The following BCO2 variants were observed in gnomAD, a reference collection of about 807,000 sequenced individuals.
The protein encoded by BCO2 is carotenoid-cleaving dioxygenase, mitochondrial.
A neutral mutation model predicts 65.8 loss-of-function variants in BCO2; 56 were observed. The observed-to-expected ratio is 0.85, with a 90% CI of 0.69 to 1.06. The LOEUF (loss-of-function observed/expected upper bound fraction) is 1.06, where lower values mean the gene tolerates loss of function less well. BCO2 is among the 50% of genes least tolerant of loss of function. The pLI is 0.00. For synonymous variants in BCO2, 233 were observed against 242.3 expected (o/e 0.96, Z 0.36); for missense variants, 675 against 698.5 (o/e 0.97, Z 0.38).
rs772217167 is a variant in BCO2 at position 112,193,425 on chromosome 11, T to C, written c.294-49T>C. Reference sequence around the variant, plus strand: ...AGATCTATCACTCTGTCCCTCATTTTTATCTCATGTTTTCTTACTGATATT... The same window carrying C: ...AGATCTATCACTCTGTCCCTCATTTCTATCTCATGTTTTCTTACTGATATT... On this transcript the variant is annotated intron_variant, in intron 2 of 11. Coordinates refer to ENST00000357685, the MANE Select transcript of BCO2 (RefSeq NM_031938.7). The C allele has an allele frequency of 2.0e-6, 3 of 1,515,316 alleles. No homozygotes were observed. The South Asian group carries it at 3.5e-5, about 18-fold the overall frequency. The allele number at this position is 1,515,316 out of a possible 1,614,324, so 93.9% of individuals were successfully genotyped here. A position where few individuals can be genotyped will look rare whatever the true frequency, so the allele number is the denominator to read the frequency against.
At chr11:112,205,757 CTAA>C (rs1433912711) in intron 8 of BCO2, among the ~76,000 whole-genome samples, 2 of 152,148 alleles carry the variant, frequency 1.3e-5, no homozygotes, top group African/African-American at 2.4e-5. Context: ...CCACACTCAG[CTAA>C]TATTTTTAAA....
Position 112,193,987 on chromosome 11 carries a change from C to A in BCO2, c.626C>A (p.Thr209Lys). The change falls in exon 4 of 12, where the codon ACA becomes AAA. Residue 209 changes from threonine (T) to lysine (K), a missense_variant. Coordinates refer to ENST00000357685, the MANE Select transcript of BCO2 (RefSeq NM_031938.7). ...NKVDIETLEK[T>K]EKVDWSKFIA... Reference sequence around the variant, plus strand: ...GTGGACATTGAAACTCTGGAAAAAACAGAAAAGGTAAAGTACAGGTAAAAA... The same window carrying A: ...GTGGACATTGAAACTCTGGAAAAAAAAGAAAAGGTAAAGTACAGGTAAAAA... The A allele has an allele frequency of 6.4e-7, 1 of 1,558,556 alleles. No homozygotes were observed. The highest frequency in any genetic ancestry group is 8.9e-7 in the Non-Finnish European group (1 of 1,129,762).
In BCO2 at chr11:112,217,790, T is replaced by C. The variant is rs113614882; in HGVS notation, c.1656T>C (p.Asp552=). 1.2e-3 allele frequency: 1,967 copies of C among 1,613,582 alleles called. 18 individuals carry two copies. In the African/African-American group the frequency reaches 0.023, roughly 19 times the overall value. Residue 552 remains aspartate, a synonymous_variant, in exon 12 of 12, where the codon GAT becomes GAC. Transcript: ENST00000357685. ...AAAGCAATTTTATCCTAGTTTTGGA[T>C]GCCAAGAACTTTGAAGAGCTGGGCC... ...QNESNFILVL[D]AKNFEELGRA... is the part of the protein sequence containing the mutation.
In BCO2 at chr11:112,194,772, G is replaced by A. The variant is rs1377742596; in HGVS notation, c.736+17G>A. The A allele has an allele frequency of 1.3e-6, 2 of 1,516,886 alleles. No individual in the cohort carries two copies. Among genetic ancestry groups the A allele is most frequent in the South Asian group, 1.2e-5 (1 of 86,318 alleles). 94.0% of individuals were successfully genotyped at this position (1,516,886 alleles called of 1,614,324 possible). On this transcript the variant is annotated intron_variant, in intron 5 of 11. Coordinates refer to ENST00000357685, the MANE Select transcript of BCO2 (RefSeq NM_031938.7). ...GGCCATATGGTAAAGTTGCAATAAA[G>A]GTCTTTTTAGAAATAATTGAGACCA... is the stretch of plus-strand genomic sequence containing the variant.
At position 112,202,014 on chromosome 11, in the gene BCO2, C is replaced by T. The variant is rs1259404126; in HGVS notation, c.1027-9C>T. On this transcript the variant is annotated splice_polypyrimidine_tract_variant and intron_variant, in intron 7 of 11. Transcript: ENST00000357685. ...AAATTTTTTTCATTGTTTGTGTTTTCCCCTGCAGCTCCTTCCAGGGAGATA... is the reference window on the plus strand; with the variant it reads ...AAATTTTTTTCATTGTTTGTGTTTTTCCCTGCAGCTCCTTCCAGGGAGATA... 7 of 1,548,568 alleles carry T rather than the reference C, an allele frequency of 4.5e-6. No homozygotes were observed. Among genetic ancestry groups the T allele is most frequent in the Non-Finnish European group, 6.1e-6 (7 of 1,151,596 alleles).
At chr11:112,181,470 C>A (rs181231375) in intron 2 of BCO2, 4 of 679,658 alleles carry the variant, frequency 5.9e-6, no homozygotes, top group African/African-American at 1.8e-5. Context: ...CGTGAGCCAC[C>A]GCGCCCGGCC....
intron 1 of BCO2, chr11:112,176,517 C>CCGG (rs1555193533): frequency 4.3e-5 from 2 of 46,738 alleles, no homozygotes; most frequent in Admixed American, 3.8e-4. Flanking sequence ...AATTGATTGG[C>CCGG]GGGGGGGGGG....
chr11:112,213,252 T>C (rs1319899509), intron 8 of BCO2, among the ~76,000 whole-genome samples: 1 of 142,906 alleles, frequency 7.0e-6, no homozygotes, highest in Non-Finnish European at 1.5e-5. Context: ...CAAGTGATTC[T>C]CCTGCCCCAG....
At position 112,218,933 on chromosome 11, in the gene BCO2, A is replaced by G. The variant is rs1859765340; in HGVS notation, c.*1059A>G. On this transcript the variant is annotated 3_prime_UTR_variant, in exon 12 of 12. Transcript: ENST00000357685. ...ATAAGAATACACGAAATAAAAATTC[A>G]TGTATTTTGGTCATTACTGCAAGAA... 6.6e-6 allele frequency: 1 copy of G among 152,234 alleles called. No homozygotes were observed. The highest frequency in any genetic ancestry group is 3.2e-3 in the Middle Eastern group (1 of 316). 9.4% of individuals were successfully genotyped at this position (152,234 alleles called of 1,614,324 possible). A position where few individuals can be genotyped will look rare whatever the true frequency, so the allele number is the denominator to read the frequency against.
At position 112,214,742 on chromosome 11, in the gene BCO2, C is replaced by A; in HGVS notation, c.1333-20C>A. On this transcript the variant is annotated intron_variant, in intron 9 of 11. Transcript: ENST00000357685. ...TAAGAATTAAGCAACCACTACAAAT[C>A]CTTTTGAAATCTCTTTTAGATCTGG... The A allele has an allele frequency of 6.2e-7, 1 of 1,602,350 alleles. No homozygotes were observed. Among genetic ancestry groups the A allele is most frequent in the East Asian group, 2.2e-5 (1 of 44,804 alleles).
rs1351961509 is a variant in BCO2, at chr11:112,179,453, A to G, written c.264A>G (p.Gly88=). ...KWLNGSLLRI[G]PGKFEFGKDK... ...TCAATGGCTCTCTACTTCGAATTGG[A>G]CCTGGGAAATTCGAGTTTGGGAAGG... Residue 88 remains glycine (G), a synonymous_variant, in exon 2 of 12, where the codon GGA becomes GGG. Transcript: ENST00000357685. 5 of 1,614,052 alleles carry G rather than the reference A, an allele frequency of 3.1e-6. No individual in the cohort carries two copies. The East Asian group carries it at 6.7e-5, about 22-fold the overall frequency.
At chr11:112,183,645 G>A (rs1229500221) in intron 2 of BCO2, among the ~76,000 whole-genome samples, 2 of 152,164 alleles carry the variant, frequency 1.3e-5, no homozygotes, top group Non-Finnish European at 2.9e-5. Context: ...TGAAAACTTG[G>A]TAAAGGTTGT....
chr11:112,209,933 TG>T (rs1859460809), intron 8 of BCO2, among the ~76,000 whole-genome samples: 1 of 152,340 alleles, frequency 6.6e-6, no homozygotes, highest in African/African-American at 2.4e-5. Context: ...TTTTCTATAA[TG>T]TTCTTACTAG....
At chr11:112,205,523 T>G (rs1029467006) in intron 8 of BCO2, among the ~76,000 whole-genome samples, 2 of 152,254 alleles carry the variant, frequency 1.3e-5, no homozygotes, top group African/African-American at 2.4e-5. Flanking sequence ...GGCATGATCA[T>G]AGCTCACTGA....
intron 2 of BCO2, among the ~76,000 whole-genome samples, chr11:112,189,560 C>G (rs536945698): frequency 6.6e-6 from 1 of 152,174 alleles, no homozygotes; most frequent in African/African-American, 2.4e-5. Context: ...CACCTGCCAC[C>G]ACGCCTGGTT....
chr11:112,206,998 A>G (rs936518679), intron 8 of BCO2, among the ~76,000 whole-genome samples: 3 of 152,220 alleles, frequency 2.0e-5, no homozygotes, highest in Non-Finnish European at 4.4e-5. Flanking sequence ...CTCTTTATAG[A>G]AATGCAATTG....
At chr11:112,182,042 A>G (rs2031863809) in intron 2 of BCO2, 1 of 371,402 alleles carries the variant, frequency 2.7e-6, no homozygotes, top group East Asian at 5.9e-5. Context: ...AAGTGGGCAA[A>G]GGATACGAAC....
intron 2 of BCO2, among the ~76,000 whole-genome samples, chr11:112,190,153 G>A (rs1424757839): frequency 6.6e-6 from 1 of 152,032 alleles, no homozygotes; most frequent in Admixed American, 6.6e-5. Flanking sequence ...AAGTGTGGGG[G>A]CGTGTCCCTG....
chr11:112,200,727 C>A lies in BCO2; in HGVS notation c.980C>A (p.Pro327His). Residue 327 changes from proline to histidine, a missense_variant, in exon 7 of 12, where the codon CCC (proline) becomes CAC (histidine). By Grantham distance (77) the Pro-to-His change is moderately conservative (BLOSUM62 -2). Transcript: ENST00000357685. ...TTTTCAGATGGGATAAGCTGGGAAC[C>A]CCAGTGTAATACGCGGTTTCATGTG... ...KAFSDGISWE[P>H]QCNTRFHVVE... The A allele has an allele frequency of 6.2e-7, 1 of 1,613,876 alleles. No homozygotes were observed.
Sources: allele counts gnomAD v4.1 joint callset (sites outside exome capture counted in the v4.1 genomes callset), GRCh38; gene constraint gnomAD v4.1.1; transcripts MANE v1.5; gene names NCBI Gene and HGNC (gene_info 2026-07-23, HGNC 2026-07-21).